The following DOCK5 variants were observed in gnomAD, a reference collection of about 807,000 sequenced individuals.
DOCK5 encodes dedicator of cytokinesis protein 5.
Under a neutral mutation model 251.8 loss-of-function variants are expected in DOCK5, and 142 were observed. The observed-to-expected ratio is 0.56, with a 90% CI of 0.49 to 0.65. DOCK5 has a LOEUF of 0.65. Among genes scored for constraint, DOCK5 ranks in the 30% least tolerant of loss-of-function variants. The pLI is 0.00. For synonymous variants in DOCK5, 842 were observed against 835.5 expected (o/e 1.01, Z -0.13); for missense variants, 2,111 against 2,312.3 (o/e 0.91, Z 1.79).
At chr8:25,233,763 ATTTTG>A (rs148847603) in intron 1 of DOCK5, among the ~76,000 whole-genome samples, 9,343 of 151,754 alleles carry the variant, frequency 0.062, 680 homozygotes, top group African/African-American at 0.18. Flanking sequence ...TTTTTAAAAA[ATTTTG>A]TTTTATTTTT....
At chr8:25,334,346 A>T in intron 21 of DOCK5, 150 bp downstream of exon 21, 3 of 656,046 alleles carry the variant, frequency 4.6e-6, no homozygotes, top group South Asian at 3.8e-5. Context: ...GGGTGGAAAA[A>T]GGGAACCATC....
At chr8:25,262,851 G>T (rs1451729241) in intron 2 of DOCK5, among the ~76,000 whole-genome samples, 2 of 151,162 alleles carry the variant, frequency 1.3e-5, no homozygotes, top group African/African-American at 2.4e-5. Context: ...ACCGAGTCTG[G>T]CTCTGTCTCT....
At chr8:25,353,331 C>T (rs1030902245) in intron 27 of DOCK5, among the ~76,000 whole-genome samples, 1 of 152,020 alleles carries the variant, frequency 6.6e-6, no homozygotes, top group Admixed American at 6.6e-5. Flanking sequence ...CTGAGTAAGA[C>T]CCTGTTTCAA....
chr8:25,232,476 A>C (rs1419338691), intron 1 of DOCK5, among the ~76,000 whole-genome samples: 1 of 152,208 alleles, frequency 6.6e-6, no homozygotes, highest in Non-Finnish European at 1.5e-5. Context: ...CAACAGAAAT[A>C]GATTTCTCAC....
chr8:25,404,937 G>A (rs1317270510), intron 48 of DOCK5, among the ~76,000 whole-genome samples: 2 of 151,944 alleles, frequency 1.3e-5, no homozygotes, highest in East Asian at 1.9e-4. Context: ...ATATTTTCTT[G>A]TATACTTTTT....
intron 7 of DOCK5, 47 bp from the exon 8 acceptor site, chr8:25,298,897 C>T (rs1223520590): frequency 6.5e-7 from 1 of 1,550,386 alleles, no homozygotes; most frequent in East Asian, 2.3e-5. Context: ...CCAACATTTC[C>T]CATTTGCCAA....
rs117479185 is a variant in DOCK5, at chr8:25,214,649, G to T, written c.44-29025G>T. Among the ~76,000 whole-genome samples the T allele has an allele frequency of 3.8e-3, 574 of 152,238 alleles. 5 individuals carry two copies. The East Asian group carries it at 0.073, about 19-fold the overall frequency. On this transcript the variant is annotated intron_variant, in intron 1 of 51. Coordinates refer to ENST00000276440, the MANE Select transcript of DOCK5 (RefSeq NM_024940.8). ...AAGCCCCACTGCCACTTCTCTTAAA[G>T]TGTGACTTAAATGCCATCCCCTGGC...
Position 25,317,108 on chromosome 8 carries a change from G to A in DOCK5, c.1420G>A (p.Asp474Asn), listed in dbSNP as rs756466107. The A allele has an allele frequency of 5.0e-6, 8 of 1,613,728 alleles. No homozygotes were observed. Among genetic ancestry groups the A allele is most frequent in the East Asian group, 2.2e-5 (1 of 44,890 alleles). Residue 474 changes from aspartate to asparagine, a missense_variant, in exon 14 of 52, where the codon GAT becomes AAT. Physicochemically the swap from Asp to Asn is conservative, Grantham distance 23. Around this residue, in one of 3 missense-constraint regions of DOCK5, gnomAD observed 1,717 missense variants for 1,892.4 expected, o/e 0.91. Transcript: ENST00000276440. Reference protein sequence around the residue: ...KNVEVTMSVHDEEGKLLEKAI... With the variant: ...KNVEVTMSVHNEEGKLLEKAI... ...TGTGGAGGTGACGATGTCTGTGCAC[G>A]ATGAGGAGGGCAAGCTCTTGGAGGT...
At chr8:25,315,078 C>T (rs1035539666) in intron 13 of DOCK5, among the ~76,000 whole-genome samples, 12 of 83,082 alleles carry the variant, frequency 1.4e-4, no homozygotes, top group Non-Finnish European at 2.3e-4. Context: ...GATCTCATCC[C>T]GCTCCTCCCT....
At chr8:25,399,068 G>A (rs1029443527) in intron 45 of DOCK5, among the ~76,000 whole-genome samples, 7 of 152,290 alleles carry the variant, frequency 4.6e-5, no homozygotes, top group Non-Finnish European at 1.0e-4. Context: ...CTGAAGGCTG[G>A]TCTTCGAAAG....
chr8:25,249,769 A>T (rs1259673899), intron 2 of DOCK5, among the ~76,000 whole-genome samples: 1 of 152,148 alleles, frequency 6.6e-6, no homozygotes, highest in Non-Finnish European at 1.5e-5. Flanking sequence ...TATTCTTTGT[A>T]GAGACAGGGT....
chr8:25,336,403 A>G, intron 22 of DOCK5, 30 bp downstream of exon 22: 7 of 1,606,382 alleles, frequency 4.4e-6, no homozygotes, highest in Non-Finnish European at 6.0e-6. Context: ...AGATGTTTAG[A>G]TTATCAGCTG....
intron 1 of DOCK5, among the ~76,000 whole-genome samples, chr8:25,231,310 A>C (rs1297973677): frequency 6.6e-6 from 1 of 152,120 alleles, no homozygotes; most frequent in Non-Finnish European, 1.5e-5. Context: ...ATTAGGGGTG[A>C]ATCTCTTTTC....
At chr8:25,200,470 A>G (rs752570915) in intron 1 of DOCK5, among the ~76,000 whole-genome samples, 22 of 152,260 alleles carry the variant, frequency 1.4e-4, no homozygotes, top group Non-Finnish European at 2.4e-4. Context: ...AGTGTTGACA[A>G]AGGTGAGAGT....
At chr8:25,281,502 T>C (rs1158537164) in intron 5 of DOCK5, among the ~76,000 whole-genome samples, 1 of 149,836 alleles carries the variant, frequency 6.7e-6, no homozygotes, top group Non-Finnish European at 1.5e-5. Context: ...GCTGCCAAAA[T>C]CTCTTAGTAG....
chr8:25,332,376 T>A, intron 19 of DOCK5, 28 bp downstream of exon 19: 1 of 1,530,650 alleles, frequency 6.5e-7, no homozygotes. Flanking sequence ...TAGTTAGAAA[T>A]ACACATACCT....
At chr8:25,208,591 A>C (rs1802056747) in intron 1 of DOCK5, among the ~76,000 whole-genome samples, 1 of 152,212 alleles carries the variant, frequency 6.6e-6, no homozygotes, top group Admixed American at 6.5e-5. Context: ...GCATTTTTTT[A>C]GCAATAAAAT....
At position 25,340,954 on chromosome 8, in the gene DOCK5, T is replaced by G; in HGVS notation, c.2405T>G (p.Met802Arg). 2 of 1,613,228 alleles carry G rather than the reference T, an allele frequency of 1.2e-6. No homozygotes were observed. The highest frequency in any genetic ancestry group is 1.7e-6 in the Non-Finnish European group (2 of 1,179,604). The change falls in exon 23 of 52, where the codon ATG becomes AGG. Residue 802 changes from methionine (M) to arginine (R), a missense_variant. Physicochemically the swap from Met to Arg is moderately conservative, Grantham distance 91. Around this residue, in one of 3 missense-constraint regions of DOCK5, gnomAD observed 1,717 missense variants for 1,892.4 expected, o/e 0.91. Coordinates refer to ENST00000276440, the MANE Select transcript of DOCK5 (RefSeq NM_024940.8). ...RQLFLAFNML[M>R]DRPLEEAVKI... ...TTATTTCTTGCTTTCAATATGCTGA[T>G]GGACAGGCCTCTGGAGGAAGCCGTC... is the stretch of plus-strand genomic sequence containing the variant.
chr8:25,387,355 T>G (rs1330375530), intron 40 of DOCK5, among the ~76,000 whole-genome samples: 1 of 152,058 alleles, frequency 6.6e-6, no homozygotes, highest in African/African-American at 2.4e-5. Flanking sequence ...ATGTTTTTAT[T>G]TTTTCTTAGA....
Sources: allele counts gnomAD v4.1 joint callset (sites outside exome capture counted in the v4.1 genomes callset), GRCh38; gene constraint gnomAD v4.1.1; regional missense constraint gnomAD v4.1.1; transcripts MANE v1.5; gene names NCBI Gene and HGNC (gene_info 2026-07-23, HGNC 2026-07-21).